ADAD1: variants seen among roughly 807,000 people sequenced by gnomAD.
The protein encoded by ADAD1 is adenosine deaminase domain-containing protein 1.
A neutral mutation model predicts 66.8 loss-of-function variants in ADAD1; 46 were observed. The ratio of observed to expected loss-of-function variants is 0.69; its 90% CI spans 0.54 to 0.88. The LOEUF (loss-of-function observed/expected upper bound fraction) is 0.88. ADAD1 is among the 40% of genes least tolerant of loss of function. The pLI is 0.00. For synonymous variants in ADAD1, 248 were observed against 229.4 expected, an observed-to-expected ratio of 1.08 and a Z score of -0.73; for missense variants, 617 against 681.8, an observed-to-expected ratio of 0.91 and a Z score of 1.06.
At chr4:122,379,965 A>G (rs1794802372) in intron 2 of ADAD1, 97 bp from the exon 3 acceptor site, 3 of 1,238,590 alleles carry the variant, frequency 2.4e-6, no homozygotes, top group Admixed American at 2.7e-5. Context: ...TGCCAAGGCC[A>G]TTTATGGAAA....
At chr4:122,418,306 C>CT (rs10527795) in intron 11 of ADAD1, among the ~76,000 whole-genome samples, 203 of 94,604 alleles carry the variant, frequency 2.1e-3, no homozygotes, top group Non-Finnish European at 2.8e-3. Context: ...ACGTTATTTT[C>CT]TTTTTTTTTT....
intron 11 of ADAD1, among the ~76,000 whole-genome samples, chr4:122,419,426 A>C (rs1227010536): frequency 6.6e-6 from 1 of 152,128 alleles, no homozygotes; most frequent in Non-Finnish European, 1.5e-5. Context: ...ATAACTAATG[A>C]ATACTAGGCT....
intron 5 of ADAD1, among the ~76,000 whole-genome samples, chr4:122,386,464 C>A (rs1279154455): frequency 6.8e-6 from 1 of 147,368 alleles, no homozygotes; most frequent in Non-Finnish European, 1.5e-5. Flanking sequence ...ATGTGTAGAT[C>A]AAAAATTTTC....
chr4:122,400,378 CT>C, intron 7 of ADAD1, among the ~76,000 whole-genome samples: 1 of 152,034 alleles, frequency 6.6e-6, no homozygotes, highest in South Asian at 2.1e-4. Flanking sequence ...GGTATATGAT[CT>C]TTTTATGCTC....
In ADAD1 at chr4:122,411,234, A is replaced by G. The variant is rs1349797139; in HGVS notation, c.861A>G (p.Arg287=). 23 of 1,596,744 alleles carry G rather than the reference A, an allele frequency of 1.4e-5. No individual in the cohort carries two copies. Among genetic ancestry groups the G allele is most frequent in the Non-Finnish European group, 2.0e-5 (23 of 1,175,256 alleles). ...ARRSLLRYFY[R]QLLLFYSKNP... ...ACATTTATTTTAGGTACTTTTATAG[A>G]CAACTTCTGCTCTTCTACAGCAAAA... The change falls in exon 9 of 13, where the codon AGA becomes AGG. Residue 287 remains arginine (R), a synonymous_variant. Coordinates refer to ENST00000296513, the MANE Select transcript of ADAD1 (RefSeq NM_139243.4).
intron 11 of ADAD1, among the ~76,000 whole-genome samples, chr4:122,419,342 C>T (rs1020210609): frequency 6.6e-6 from 1 of 152,052 alleles, no homozygotes; most frequent in Non-Finnish European, 1.5e-5. Context: ...AACACGTGGA[C>T]ACATAGAGGG....
chr4:122,387,633 G>A (rs887531833), intron 5 of ADAD1, among the ~76,000 whole-genome samples: 3 of 151,968 alleles, frequency 2.0e-5, no homozygotes, highest in Non-Finnish European at 4.4e-5. Context: ...AGTTTTCAAA[G>A]GGAATGCTTC....
At chr4:122,428,446 C>T (rs766993302) in intron 12 of ADAD1, among the ~76,000 whole-genome samples, 19 of 152,252 alleles carry the variant, frequency 1.2e-4, no homozygotes, top group Non-Finnish European at 2.5e-4. Context: ...TATTTACATG[C>T]ATGTTTATAA....
At chr4:122,404,007 G>A (rs1286970110) in intron 7 of ADAD1, among the ~76,000 whole-genome samples, 1 of 152,178 alleles carries the variant, frequency 6.6e-6, no homozygotes, top group Non-Finnish European at 1.5e-5. Flanking sequence ...AACAAGGCCA[G>A]TCTCACTCCT....
chr4:122,388,790 T>C (rs1795303799), intron 5 of ADAD1, among the ~76,000 whole-genome samples: 2 of 152,188 alleles, frequency 1.3e-5, no homozygotes, highest in South Asian at 4.1e-4. Flanking sequence ...GCAGTCTATT[T>C]TGTTAATTTG....
chr4:122,417,668 A>G (rs1212173829), intron 11 of ADAD1, among the ~76,000 whole-genome samples: 2 of 152,242 alleles, frequency 1.3e-5, no homozygotes, highest in Admixed American at 1.3e-4. Context: ...AGATTTCATT[A>G]CTTTAAACTC....
chr4:122,418,372 C>T (rs368698505), intron 11 of ADAD1, among the ~76,000 whole-genome samples: 59 of 143,660 alleles, frequency 4.1e-4, no homozygotes, highest in East Asian at 1.2e-3. Flanking sequence ...TGCAGTGGCG[C>T]GATATCGGCT....
rs370326993 is a variant in ADAD1, at chr4:122,410,707, G to T, written c.849-515G>T. Among the ~76,000 whole-genome samples, 4 of 152,266 alleles carry T rather than the reference G, an allele frequency of 2.6e-5. No homozygotes were observed. The East Asian group carries it at 5.8e-4, about 22-fold the overall frequency. On this transcript the variant is annotated intron_variant, in intron 8 of 12. Transcript: ENST00000296513. ...CAATAAATTATTGGTAACTGTATCT[G>T]CTTCATTTCTTAATACAGCTTCTGG...
At chr4:122,406,560 G>A (rs1417395895) in intron 7 of ADAD1, among the ~76,000 whole-genome samples, 1 of 152,146 alleles carries the variant, frequency 6.6e-6, no homozygotes, top group Non-Finnish European at 1.5e-5. Context: ...GGAAGGAAAT[G>A]TAACCCAAGA....
chr4:122,408,385 A>G (rs771105799), intron 8 of ADAD1, among the ~76,000 whole-genome samples: 5 of 152,222 alleles, frequency 3.3e-5, no homozygotes, highest in East Asian at 1.9e-4. Context: ...AAGCGATTCT[A>G]TTGTCTCAAC....
chr4:122,422,197 T>C (rs1560607179), intron 12 of ADAD1, among the ~76,000 whole-genome samples: 1 of 145,704 alleles, frequency 6.9e-6, no homozygotes, highest in Non-Finnish European at 1.5e-5. Context: ...CGATCTCAGC[T>C]CACTGCAACT....
intron 11 of ADAD1, among the ~76,000 whole-genome samples, chr4:122,418,396 A>T (rs996771314): frequency 5.8e-5 from 8 of 138,294 alleles, no homozygotes; most frequent in African/African-American, 1.9e-4. Context: ...TGCAAGCTCC[A>T]CCTTCCAGGT....
Position 122,407,722 on chromosome 4 carries a change from A to G in ADAD1, c.725-186A>G, listed in dbSNP as rs145204526. 1.8e-3 allele frequency among the ~76,000 whole-genome samples: 281 copies of G among 152,336 alleles called. 1 individual carries two copies. The highest frequency in any genetic ancestry group is 6.6e-3 in the African/African-American group (274 of 41,590). On this transcript the variant is annotated intron_variant, in intron 7 of 12. Transcript: ENST00000296513. Reference sequence around the variant, plus strand: ...TTTTTCATTTATATTTCATTATAAAACATCTGCCTTTTTAATTTTGCTTCT... The same window carrying G: ...TTTTTCATTTATATTTCATTATAAAGCATCTGCCTTTTTAATTTTGCTTCT...
In ADAD1 at chr4:122,429,669, C is replaced by T. The variant is rs1455610385; in HGVS notation, c.1661C>T (p.Ser554Phe). The part of the protein sequence containing the change: ...SYQEAKCKLK[S>F]YLQQHGYGSW... ...CAAGAAGCTAAATGTAAGTTGAAAT[C>T]CTACTTACAACAACATGGCTATGGA... The change falls in exon 13 of 13, where the codon TCC (serine) becomes TTC (phenylalanine). Residue 554 changes from serine (S) to phenylalanine (F), a missense_variant. Ser to Phe is a radical substitution (Grantham distance 155). Transcript: ENST00000296513. 6.2e-7 allele frequency: 1 copy of T among 1,613,320 alleles called. No homozygotes were observed. Among genetic ancestry groups the T allele is most frequent in the Admixed American group, 1.7e-5 (1 of 60,004 alleles).
Sources: allele counts gnomAD v4.1 joint callset (sites outside exome capture counted in the v4.1 genomes callset), GRCh38; gene constraint gnomAD v4.1.1; transcripts MANE v1.5; gene names NCBI Gene and HGNC (gene_info 2026-07-23, HGNC 2026-07-21).